The following C12orf42 variants were observed in gnomAD, a reference collection of about 807,000 sequenced individuals.
C12orf42 encodes uncharacterized protein C12orf42.
Under a neutral mutation model 21.6 loss-of-function variants are expected in C12orf42, and 25 were observed. The observed-to-expected ratio is 1.16, with a 90% confidence interval of 0.84 to 1.62. C12orf42 has a LOEUF of 1.62. Among genes scored for constraint, C12orf42 ranks in the 40% most tolerant of loss-of-function variants. The pLI, the probability that C12orf42 is intolerant of heterozygous loss-of-function variation, is 0.00. For synonymous variants in C12orf42, 174 were observed against 175.0 expected (o/e 0.99, Z 0.05); for missense variants, 483 against 459.3 (o/e 1.05, Z -0.47).
At chr12:103,174,252 G>A in the C12orf42 span, among the ~76,000 whole-genome samples, 7 of 152,132 alleles carry the variant, frequency 4.6e-5, no homozygotes, top group Admixed American at 2.6e-4. Context: ...CACAACCTAT[G>A]GCAGAGCCCT....
chr12:103,183,924 A>G, the C12orf42 span, among the ~76,000 whole-genome samples: 2 of 152,190 alleles, frequency 1.3e-5, no homozygotes, highest in East Asian at 1.9e-4. Flanking sequence ...TGGTTATAGT[A>G]TATACTCTAT....
At chr12:103,109,604 T>C in the C12orf42 span, among the ~76,000 whole-genome samples, 1 of 148,548 alleles carries the variant, frequency 6.7e-6, no homozygotes, top group Non-Finnish European at 1.5e-5. Context: ...TTATATAATA[T>C]AATTAAATAT....
the C12orf42 span, among the ~76,000 whole-genome samples, chr12:103,090,981 TAA>T: frequency 1.3e-4 from 18 of 141,936 alleles, no homozygotes; most frequent in Admixed American, 7.0e-5. Flanking sequence ...CCTACAAGTG[TAA>T]AAAAAAAAAA....
intron 3 of C12orf42, among the ~76,000 whole-genome samples, chr12:103,380,757 T>C (rs1352206018): frequency 6.6e-6 from 1 of 152,236 alleles, no homozygotes; most frequent in African/African-American, 2.4e-5. Context: ...AACATGTTAT[T>C]GAGTACCTGC....
the C12orf42 span, among the ~76,000 whole-genome samples, chr12:103,549,810 A>T: frequency 6.6e-6 from 1 of 152,326 alleles, no homozygotes. Context: ...TACAAATTAC[A>T]GACTCTTGGA....
intron 2 of C12orf42, among the ~76,000 whole-genome samples, chr12:103,403,203 G>A (rs1319783123): frequency 6.6e-6 from 1 of 151,874 alleles, no homozygotes; most frequent in Non-Finnish European, 1.5e-5. Context: ...GTGAAACCCC[G>A]TCTCTACTAA....
chr12:103,403,582 G>A (rs1177179357), intron 2 of C12orf42, among the ~76,000 whole-genome samples: 4 of 152,288 alleles, frequency 2.6e-5, no homozygotes, highest in African/African-American at 4.8e-5. Flanking sequence ...TCTGCCCATC[G>A]TCCTCTGTTG....
At chr12:103,152,157 C>T in the C12orf42 span, among the ~76,000 whole-genome samples, 5 of 152,192 alleles carry the variant, frequency 3.3e-5, no homozygotes, top group Admixed American at 2.0e-4. Context: ...TAATGAATGA[C>T]CTTGGAAGAG....
At chr12:103,179,542 A>G in the C12orf42 span, among the ~76,000 whole-genome samples, 1 of 152,178 alleles carries the variant, frequency 6.6e-6, no homozygotes, top group Non-Finnish European at 1.5e-5. Flanking sequence ...AAATGTGAGA[A>G]CAGAAAAAGA....
At chr12:103,093,854 C>T in the C12orf42 span, among the ~76,000 whole-genome samples, 1 of 152,304 alleles carries the variant, frequency 6.6e-6, no homozygotes, top group Middle Eastern at 3.4e-3. Context: ...CTTAGATGTC[C>T]TAAGTCCTAA....
chr12:103,239,565 T>C (rs747500587), intron 10 of C12orf42, among the ~76,000 whole-genome samples: 2 of 152,190 alleles, frequency 1.3e-5, no homozygotes, highest in African/African-American at 2.4e-5. Context: ...CCCTTCGTGT[T>C]TCCTACCATA....
At chr12:103,396,144 A>G (rs554618656) in intron 3 of C12orf42, among the ~76,000 whole-genome samples, 18 of 151,910 alleles carry the variant, frequency 1.2e-4, no homozygotes, top group African/African-American at 4.3e-4. Flanking sequence ...TCCCCACCCA[A>G]ATCTCATCTT....
downstream of C12orf42, among the ~76,000 whole-genome samples, chr12:103,233,904 T>C (rs1454219845): frequency 2.0e-5 from 3 of 152,288 alleles, no homozygotes; most frequent in Admixed American, 2.0e-4. Flanking sequence ...CTGCTGCTAG[T>C]GGGTAAGTAC....
intron 10 of C12orf42, among the ~76,000 whole-genome samples, chr12:103,241,608 T>A (rs1484192331): frequency 6.6e-6 from 1 of 152,204 alleles, no homozygotes; most frequent in Non-Finnish European, 1.5e-5. Flanking sequence ...TCTCTGGGTC[T>A]CATTGTCTTG....
At chr12:103,273,854 C>G in intron 5 of C12orf42, 2 of 456,394 alleles carry the variant, frequency 4.4e-6, no homozygotes, top group Non-Finnish European at 8.8e-6. Flanking sequence ...GATGCACTCA[C>G]AGCAGGTCTC....
chr12:103,285,867 T>C (rs976278279), intron 4 of C12orf42, among the ~76,000 whole-genome samples: 2 of 152,126 alleles, frequency 1.3e-5, no homozygotes, highest in African/African-American at 2.4e-5. Context: ...AAAGCAGGGA[T>C]TTTTGTCTGC....
chr12:103,204,896 T>C, the C12orf42 span, among the ~76,000 whole-genome samples: 5 of 152,088 alleles, frequency 3.3e-5, no homozygotes, highest in Non-Finnish European at 4.4e-5. Context: ...ATCTAAAATA[T>C]ATAAAGATCT....
Position 103,294,428 on chromosome 12 carries a change from GAGAAAGAAAGAA to G in C12orf42, n.338-17230_338-17219del, listed in dbSNP as rs58968326. Among the ~76,000 whole-genome samples, 682 of 96,060 alleles carry G rather than the reference GAGAAAGAAAGAA, an allele frequency of 7.1e-3. 5 individuals are homozygous for G. The highest frequency in any genetic ancestry group is 8.2e-3 in the Non-Finnish European group (411 of 50,392). The allele number at this position is 96,060 out of a possible 152,430, so 63.0% of individuals were successfully genotyped here. A position where few individuals can be genotyped will look rare whatever the true frequency, so the allele number is the denominator to read the frequency against. The stretch of plus-strand genomic sequence containing the variant: ...AAGAAAGAAAGAGAGAAAGGAGAGA[GAGAAAGAAAGAA>G]AGAAAGAAAGAAAGAAAGAAAGAAA... On this transcript the variant is annotated intron_variant and non_coding_transcript_variant, in intron 4 of 6. Coordinates refer to the C12orf42 transcript ENST00000546526.
chr12:103,437,687 C>T (rs1478310975), intron 2 of C12orf42, among the ~76,000 whole-genome samples: 3 of 151,396 alleles, frequency 2.0e-5, no homozygotes, highest in Non-Finnish European at 4.4e-5. Context: ...CACATACACT[C>T]TCCCAAAACT....
Sources: allele counts gnomAD v4.1 joint callset (sites outside exome capture counted in the v4.1 genomes callset), GRCh38; gene constraint gnomAD v4.1.1; transcripts MANE v1.5; gene names NCBI Gene and HGNC (gene_info 2026-07-23, HGNC 2026-07-21).